Variants in IMMT observed in about 807,000 individuals in gnomAD.
IMMT encodes the protein MICOS complex subunit MIC60.
A neutral mutation model predicts 92.7 loss-of-function variants in IMMT; 40 were observed. That is an observed-to-expected ratio of 0.43 (90% CI 0.34 to 0.56). The LOEUF is 0.56. Ranked by LOEUF, IMMT falls within the 20% of genes least tolerant of loss-of-function variation. IMMT has a pLI of 0.03. For missense variants in IMMT, 831 were observed against 912.1 expected, an observed-to-expected ratio of 0.91 and a Z score of 1.14; for synonymous variants, 322 against 336.1, an observed-to-expected ratio of 0.96 and a Z score of 0.46.
chr2:86,192,143 G>T (rs993031712), intron 1 of IMMT, among the ~76,000 whole-genome samples: 1 of 152,174 alleles, frequency 6.6e-6, no homozygotes, highest in African/African-American at 2.4e-5. Context: ...TGAGGTGGGA[G>T]GATCGCTTAA....
At chr2:86,172,205 AG>A in intron 4 of IMMT, among the ~76,000 whole-genome samples, 1 of 152,036 alleles carries the variant, frequency 6.6e-6, no homozygotes, top group Non-Finnish European at 1.5e-5. Flanking sequence ...GCTAGGCTCA[AG>A]TGATCCTCCC....
rs201492183 is a variant in IMMT, at chr2:86,144,452, A to G, written c.2093T>C (p.Ile698Thr). The G allele has an allele frequency of 1.1e-4, 177 of 1,613,986 alleles. No individual in the cohort carries two copies. The highest frequency in any genetic ancestry group is 6.6e-4 in the Middle Eastern group (4 of 6,062). Residue 698 changes from isoleucine to threonine, a missense_variant, in exon 15 of 15, where the codon ATT becomes ACT. Physicochemically the swap from Ile to Thr is moderately conservative, Grantham distance 89. Transcript: ENST00000410111. ...TGCTAGCTCCAGATCACCATGCTCA[A>G]TGCAATAGGAAGCATATGACAGTAA... is the stretch of plus-strand genomic sequence containing the variant. The part of the protein sequence containing the change: ...FKLLSYASYC[I>T]EHGDLELAAK...
intron 10 of IMMT, among the ~76,000 whole-genome samples, chr2:86,156,753 C>G (rs1289998070): frequency 6.6e-6 from 1 of 152,118 alleles, no homozygotes; most frequent in East Asian, 1.9e-4. Flanking sequence ...ATGCTCGTAT[C>G]TAACTCTCCA....
At chr2:86,172,122 C>T (rs1408060543) in intron 4 of IMMT, among the ~76,000 whole-genome samples, 1 of 151,782 alleles carries the variant, frequency 6.6e-6, no homozygotes, top group Non-Finnish European at 1.5e-5. Flanking sequence ...TGTATACCAC[C>T]ACACCTGGCT....
chr2:86,185,387 A>T (rs1316180398), intron 1 of IMMT, among the ~76,000 whole-genome samples: 1 of 152,218 alleles, frequency 6.6e-6, no homozygotes, highest in Non-Finnish European at 1.5e-5. Context: ...TCTCAAATAG[A>T]GAAGGGCTTC....
rs1558818941 is a variant in IMMT, at chr2:86,158,736, AG to A, written c.1033-16del. 1.9e-6 allele frequency: 3 copies of A among 1,579,150 alleles called. No homozygotes were observed. Among genetic ancestry groups the A allele is most frequent in the Non-Finnish European group, 2.6e-6 (3 of 1,155,514 alleles). On this transcript the variant is annotated splice_polypyrimidine_tract_variant and intron_variant, in intron 9 of 14. Transcript: ENST00000410111. ...GCTGCTTGGACCTGAGCAAATACACAGGGTATGTGATTAAATTGAACAAAAA... is the reference window on the plus strand; with the variant it reads ...GCTGCTTGGACCTGAGCAAATACACAGGTATGTGATTAAATTGAACAAAAA...
intron 1 of IMMT, among the ~76,000 whole-genome samples, chr2:86,182,618 G>A (rs72936402): frequency 0.011 from 1,744 of 152,248 alleles, 34 homozygotes; most frequent in African/African-American, 0.039. Flanking sequence ...CGGCGCAGGC[G>A]GGGATTGCTT....
intron 1 of IMMT, among the ~76,000 whole-genome samples, chr2:86,183,961 G>A (rs1373944672): frequency 6.6e-6 from 1 of 152,150 alleles, no homozygotes; most frequent in African/African-American, 2.4e-5. Flanking sequence ...AATGCTACCT[G>A]AGTAACACTG....
At chr2:86,173,910 T>C (rs1677264375) in intron 3 of IMMT, 149 bp from the exon 4 acceptor site, 1 of 559,762 alleles carries the variant, frequency 1.8e-6, no homozygotes, top group South Asian at 2.2e-5. Context: ...TTAAACATAG[T>C]TGAGAGAAAC....
chr2:86,159,665 C>T lies in IMMT; in HGVS notation c.903G>A (p.Glu301=). The stretch of plus-strand genomic sequence containing the variant: ...CAATCACACTTTTCATCTTCTCTAA[C>T]TCTTCTCTGGAAACCAACAAAACAA... ...AADALLKAKE[E]LEKMKSVIEN... is the part of the protein sequence containing the mutation. The change falls in exon 9 of 15, where the codon GAG becomes GAA. Residue 301 remains glutamate, a synonymous_variant. Transcript: ENST00000410111. The T allele has an allele frequency of 1.3e-6, 2 of 1,557,278 alleles. No individual in the cohort carries two copies.
Position 86,194,523 on chromosome 2 carries a change from C to T in IMMT, c.45+815G>A, listed in dbSNP as rs554838962. Among the ~76,000 whole-genome samples, 6 of 152,288 alleles carry T rather than the reference C, an allele frequency of 3.9e-5. No individual in the cohort carries two copies. In the East Asian group the frequency reaches 1.2e-3, roughly 29 times the overall value. ...GATTCTGTTCAATTACTGCTTGAGT[C>T]ACAGTACTTGGTTTGCTATCTACAT... On this transcript the variant is annotated intron_variant, in intron 1 of 14. Coordinates refer to ENST00000410111, the MANE Select transcript of IMMT (RefSeq NM_006839.3).
intron 1 of IMMT, among the ~76,000 whole-genome samples, chr2:86,183,808 T>C (rs564199384): frequency 2.0e-4 from 30 of 152,336 alleles, no homozygotes; most frequent in African/African-American, 6.7e-4. Flanking sequence ...AGGATATATA[T>C]TTTAAATCAC....
At chr2:86,167,363 C>T (rs536532536) in intron 6 of IMMT, among the ~76,000 whole-genome samples, 66 of 148,364 alleles carry the variant, frequency 4.4e-4, no homozygotes, top group Middle Eastern at 3.7e-3. Flanking sequence ...TTAGTAGAGA[C>T]GGGGTTTCAC....
At chr2:86,147,876 C>T (rs2104572936) in intron 12 of IMMT, 43 bp from the exon 13 acceptor site, 1 of 1,592,440 alleles carries the variant, frequency 6.3e-7, no homozygotes, top group Non-Finnish European at 8.6e-7. Flanking sequence ...CAATTCTCCA[C>T]ATATACTTTT....
At chr2:86,181,150 G>T (rs992857205) in intron 2 of IMMT, 149 bp downstream of exon 2, 4 of 571,274 alleles carry the variant, frequency 7.0e-6, no homozygotes, top group African/African-American at 5.6e-5. Flanking sequence ...TGCTCCAGAA[G>T]GTACCCCAAT....
intron 1 of IMMT, among the ~76,000 whole-genome samples, chr2:86,182,795 G>A (rs1672519797): frequency 6.6e-6 from 1 of 151,564 alleles, no homozygotes; most frequent in South Asian, 2.1e-4. Context: ...AGGTTGCAAT[G>A]AGCCAAGACT....
At chr2:86,160,369 AGC>A (rs1676183064) in intron 8 of IMMT, among the ~76,000 whole-genome samples, 1 of 152,182 alleles carries the variant, frequency 6.6e-6, no homozygotes, top group Non-Finnish European at 1.5e-5. Context: ...AATGAGAGAG[AGC>A]TAAGGCAGGC....
intron 3 of IMMT, among the ~76,000 whole-genome samples, chr2:86,176,897 A>G (rs558044914): frequency 2.6e-5 from 4 of 152,364 alleles, no homozygotes; most frequent in South Asian, 2.1e-4. Context: ...AATAGATTCA[A>G]GATTTTAGAA....
rs1294266666 is a variant in IMMT at position 86,195,246 on chromosome 2, C to A, written c.45+92G>T. ...GGTGGCCCTGAGGCTCGCCTTTGTC[C>A]TGGAGGCTAGGCAGCGACCAAGGCT... On this transcript the variant is annotated intron_variant, in intron 1 of 14. Coordinates refer to ENST00000410111, the MANE Select transcript of IMMT (RefSeq NM_006839.3). 5 of 1,363,026 alleles carry A rather than the reference C, an allele frequency of 3.7e-6. No individual in the cohort carries two copies. The African/African-American group carries it at 7.5e-5, about 21-fold the overall frequency. 84.4% of individuals were successfully genotyped at this position (1,363,026 alleles called of 1,614,324 possible). A position where few individuals can be genotyped will look rare whatever the true frequency, so the allele number is the denominator to read the frequency against.
Sources: allele counts gnomAD v4.1 joint callset (sites outside exome capture counted in the v4.1 genomes callset), GRCh38; gene constraint gnomAD v4.1.1; transcripts MANE v1.5; gene names NCBI Gene and HGNC (gene_info 2026-07-23, HGNC 2026-07-21).